The following ZNF44 variants were observed in gnomAD, a reference collection of about 807,000 sequenced individuals.
The protein encoded by ZNF44 is zinc finger protein 44.
ZNF44 carries 9 observed loss-of-function variants against 11.7 expected under a neutral mutation model. The ratio of observed to expected loss-of-function variants is 0.77; its 90% CI spans 0.46 to 1.35. ZNF44 has a LOEUF of 1.35. ZNF44 is among the 40% of genes most tolerant of loss of function. The pLI, the probability that ZNF44 is intolerant of heterozygous loss-of-function variation, is 0.00. For missense variants in ZNF44, 696 were observed against 743.1 expected (o/e 0.94, Z 0.74); for synonymous variants, 224 against 242.7 (o/e 0.92, Z 0.72).
intron 1 of ZNF44, among the ~76,000 whole-genome samples, chr19:12,285,668 G>T (rs1039103284): frequency 1.3e-5 from 2 of 152,114 alleles, no homozygotes; most frequent in Non-Finnish European, 2.9e-5. Context: ...TGAACTGTTA[G>T]CATGTAGAGA....
At chr19:12,288,591 A>C (rs2145764742) in intron 1 of ZNF44, among the ~76,000 whole-genome samples, 1 of 151,238 alleles carries the variant, frequency 6.6e-6, no homozygotes, top group East Asian at 2.0e-4. Context: ...AAAATAGAAA[A>C]ATTAGCCAGG....
intron 1 of ZNF44, among the ~76,000 whole-genome samples, chr19:12,280,662 T>A (rs1045185897): frequency 6.6e-6 from 1 of 152,074 alleles, no homozygotes; most frequent in African/African-American, 2.4e-5. Flanking sequence ...AGAAAGGGAC[T>A]GGCAGAGTGA....
intron 2 of ZNF44, among the ~76,000 whole-genome samples, chr19:12,230,996 T>C (rs933529436): frequency 4.6e-5 from 7 of 152,118 alleles, no homozygotes; most frequent in Non-Finnish European, 1.0e-4. Context: ...GAGATGTTAT[T>C]TGTGGTTTAT....
chr19:12,293,466 C>G, intron 1 of ZNF44: 11 of 1,308,772 alleles, frequency 8.4e-6, no homozygotes, highest in Non-Finnish European at 1.1e-5. Flanking sequence ...AAAAGAGGCA[C>G]AAAGGTTTGG....
At chr19:12,226,574 A>G (rs892709487) in intron 3 of ZNF44, 33 of 152,212 alleles carry the variant, frequency 2.2e-4, no homozygotes, top group African/African-American at 6.8e-4. Flanking sequence ...GCAAATAACT[A>G]TATTACCCTA....
chr19:12,258,410 T>C (rs550999418), intron 5 of ZNF44, among the ~76,000 whole-genome samples: 7 of 151,958 alleles, frequency 4.6e-5, no homozygotes, highest in Non-Finnish European at 1.0e-4. Context: ...TTAATGGTTT[T>C]GTATAATAGC....
intron 3 of ZNF44, among the ~76,000 whole-genome samples, chr19:12,228,182 T>TTGAAGG (rs1328860991): frequency 1.2e-3 from 122 of 106,018 alleles, no homozygotes; most frequent in African/African-American, 5.2e-3. Flanking sequence ...AACTTAACTT[T>TTGAAGG]TTTAAACCTT....
chr19:12,278,434 T>C (rs1309938678), intron 1 of ZNF44, among the ~76,000 whole-genome samples: 1 of 152,206 alleles, frequency 6.6e-6, no homozygotes, highest in Non-Finnish European at 1.5e-5. Flanking sequence ...TGTGTGTGTG[T>C]GTCTTTAATT....
intron 3 of ZNF44, among the ~76,000 whole-genome samples, chr19:12,230,018 G>A (rs1916092276): frequency 1.3e-5 from 2 of 152,172 alleles, no homozygotes; most frequent in South Asian, 4.1e-4. Context: ...AGAACCTCTT[G>A]CCATTTGCTG....
intron 1 of ZNF44, among the ~76,000 whole-genome samples, chr19:12,288,101 C>T (rs1193115137): frequency 6.6e-6 from 1 of 152,182 alleles, no homozygotes; most frequent in East Asian, 1.9e-4. Context: ...AACATTTCCA[C>T]AGACCCCACA....
intron 1 of ZNF44, among the ~76,000 whole-genome samples, chr19:12,291,688 T>C (rs568165715): frequency 7.3e-5 from 11 of 150,656 alleles, no homozygotes; most frequent in Non-Finnish European, 1.2e-4. Context: ...AGGGAGACCA[T>C]GTCTCAAAAA....
At chr19:12,247,918 A>G in exon 8 of ZNF44, 1 of 1,345,196 alleles carries the variant, frequency 7.4e-7, no homozygotes, top group South Asian at 1.2e-5. Flanking sequence ...TGGTAACTGA[A>G]GGCTTTCCCA....
At chr19:12,244,963 A>G (rs1448371939), downstream of ZNF44, among the ~76,000 whole-genome samples, 1 of 152,200 alleles carries the variant, frequency 6.6e-6, no homozygotes, top group East Asian at 1.9e-4. Context: ...GTTCATCCTT[A>G]TTACAACTCT....
intron 2 of ZNF44, chr19:12,230,575 A>G (rs1393034383): frequency 6.6e-6 from 1 of 152,184 alleles, no homozygotes; most frequent in Non-Finnish European, 1.5e-5. Context: ...ATAAAAAGAC[A>G]ACGAGTGGTG....
At chr19:12,226,039 G>T (rs1915904695), downstream of ZNF44, 1 of 152,148 alleles carries the variant, frequency 6.6e-6, no homozygotes, top group African/African-American at 2.4e-5. Context: ...CAACATGTGT[G>T]CTATCGTTTT....
Position 12,273,282 on chromosome 19 carries a change from G to A in ZNF44, c.973C>T (p.Gln325Ter). ...GKAFCHLGSF[Q>*]RHMIMHSGDG... is the part of the protein sequence containing the mutation. ...CCACTGTGCATTATCATGTGTCTTTGAAAGCTTCCAAGATGACAAAACGCT... is the reference window on the plus strand; with the variant it reads ...CCACTGTGCATTATCATGTGTCTTTAAAAGCTTCCAAGATGACAAAACGCT... The change falls in exon 4 of 4, where the codon CAA (glutamine) becomes TAA (stop). Residue 325 changes from glutamine (Q) to a stop codon, truncating the protein, a stop_gained. Transcript: ENST00000355684. LOFTEE classifies it low-confidence loss of function (END_TRUNC). The A allele has an allele frequency of 6.2e-7, 1 of 1,613,666 alleles. No homozygotes were observed. The highest frequency in any genetic ancestry group is 8.5e-7 in the Non-Finnish European group (1 of 1,179,906).
At chr19:12,282,944 C>T (rs55877809) in intron 1 of ZNF44, among the ~76,000 whole-genome samples, 7,926 of 152,236 alleles carry the variant, frequency 0.052, 284 homozygotes, top group Middle Eastern at 0.078. Context: ...ATGATTGTAA[C>T]GTCTATATTG....
At chr19:12,274,661 C>T (rs1302222494) in intron 3 of ZNF44, among the ~76,000 whole-genome samples, 3 of 151,720 alleles carry the variant, frequency 2.0e-5, no homozygotes, top group Non-Finnish European at 4.4e-5. Context: ...CCTCAAACTC[C>T]CAGGCTCAAG....
rs1429347787 is a variant in ZNF44 at position 12,273,531 on chromosome 19, TTAGA to T, written c.720_723del (p.Tyr240Ter). The stretch of plus-strand genomic sequence containing the variant: ...TCCCCAGTGTGTATTTTTTCATGTC[TTAGA>T]TAGGAACTGTAAACAGGGAAGGCTT... On this transcript the variant is annotated frameshift_variant, in exon 4 of 4. Transcript: ENST00000355684. LOFTEE classifies it low-confidence loss of function (END_TRUNC). 6.8e-6 allele frequency: 11 copies of T among 1,613,976 alleles called. No homozygotes were observed. Among genetic ancestry groups the T allele is most frequent in the South Asian group, 1.1e-5 (1 of 91,084 alleles).
Sources: allele counts gnomAD v4.1 joint callset (sites outside exome capture counted in the v4.1 genomes callset), GRCh38; gene constraint gnomAD v4.1.1; transcripts MANE v1.5; gene names NCBI Gene and HGNC (gene_info 2026-07-23, HGNC 2026-07-21).